Variants in CRTAC1 observed in about 807,000 individuals in gnomAD.
The protein encoded by CRTAC1 is acidic secreted protein in cartilage.
Under a neutral mutation model 67.8 loss-of-function variants are expected in CRTAC1, and 37 were observed. The observed-to-expected ratio is 0.55, with a 90% CI of 0.42 to 0.72. The LOEUF (loss-of-function observed/expected upper bound fraction) is 0.72, where lower values mean the gene tolerates loss of function less well. Ranked by LOEUF, CRTAC1 falls within the 30% of genes least tolerant of loss-of-function variation. The pLI is 0.00. For missense variants in CRTAC1, 780 were observed against 931.6 expected (o/e 0.84, Z 2.12); for synonymous variants, 348 against 371.0 (o/e 0.94, Z 0.71).
chr10:97,882,798 C>T lies in CRTAC1; in HGVS notation c.1663G>A (p.Gly555Ser), dbSNP rs2050233294. The T allele has an allele frequency of 6.2e-7, 1 of 1,614,112 alleles. No homozygotes were observed. The highest frequency in any genetic ancestry group is 1.7e-5 in the Admixed American group (1 of 60,008). ...GAAGGCAACTCACCCATGCAATGGCCATTTTCCTGCTGGGAGAATCCTTGG... is the reference window on the plus strand; with the variant it reads ...GAAGGCAACTCACCCATGCAATGGCTATTTTCCTGCTGGGAGAATCCTTGG... ...CGQGFSQQEN[G>S]HCMDTNECIQ... is the part of the protein sequence containing the mutation. Residue 555 changes from glycine to serine, a missense_variant, in exon 13 of 15, where the codon GGC (glycine) becomes AGC (serine). Physicochemically the swap from Gly to Ser is moderately conservative, Grantham distance 56. Transcript: ENST00000370597.
At chr10:97,876,886 C>G (rs957285383) in intron 14 of CRTAC1, among the ~76,000 whole-genome samples, 1 of 145,726 alleles carries the variant, frequency 6.9e-6, no homozygotes, top group Non-Finnish European at 1.5e-5. Context: ...CCAGTAGATG[C>G]ATTGAATTTG....
chr10:97,900,581 C>A (rs1364069732), intron 8 of CRTAC1, among the ~76,000 whole-genome samples: 1 of 130,302 alleles, frequency 7.7e-6, no homozygotes, highest in Non-Finnish European at 1.6e-5. Context: ...CCCGTAGCCC[C>A]TTTTCCTGGT....
intron 1 of CRTAC1, among the ~76,000 whole-genome samples, chr10:98,020,621 G>C (rs891518449): frequency 1.3e-5 from 2 of 152,238 alleles, no homozygotes; most frequent in African/African-American, 2.4e-5. Context: ...ACCTCTGCCT[G>C]GGGAAGCTGG....
At chr10:97,930,112 T>C (rs1035560352) in intron 3 of CRTAC1, among the ~76,000 whole-genome samples, 2 of 152,082 alleles carry the variant, frequency 1.3e-5, no homozygotes, top group Non-Finnish European at 2.9e-5. Context: ...GAAGGCAGAG[T>C]CTTCATTTCA....
At chr10:97,997,026 A>G (rs1483385327) in intron 2 of CRTAC1, among the ~76,000 whole-genome samples, 1 of 139,984 alleles carries the variant, frequency 7.1e-6, no homozygotes, top group Admixed American at 7.4e-5. Flanking sequence ...ATAAGTGGGA[A>G]TTGAACAATG....
At chr10:97,989,318 C>T (rs1198026377) in intron 2 of CRTAC1, among the ~76,000 whole-genome samples, 7 of 152,124 alleles carry the variant, frequency 4.6e-5, no homozygotes, top group South Asian at 2.1e-4. Context: ...AACTGAGATA[C>T]GTTCTGAGAG....
At chr10:97,952,320 C>G (rs1292528472) in intron 2 of CRTAC1, among the ~76,000 whole-genome samples, 1 of 151,296 alleles carries the variant, frequency 6.6e-6, no homozygotes, top group Non-Finnish European at 1.5e-5. Flanking sequence ...CCACTGCACT[C>G]CAGCCTGGGC....
At chr10:97,972,754 A>G (rs2051735639) in intron 2 of CRTAC1, among the ~76,000 whole-genome samples, 1 of 152,238 alleles carries the variant, frequency 6.6e-6, no homozygotes, top group Admixed American at 6.5e-5. Flanking sequence ...GTTTTTGTAA[A>G]TGCTTTTATA....
Position 98,030,454 on chromosome 10 carries a change from G to C in CRTAC1, c.19C>G (p.Pro7Ala), listed in dbSNP as rs1030779261. The change falls in exon 1 of 15, where the codon CCC becomes GCC. Residue 7 changes from proline to alanine, a missense_variant. By Grantham distance (27) the Pro-to-Ala change is conservative. Coordinates refer to ENST00000370597, the MANE Select transcript of CRTAC1 (RefSeq NM_018058.7). The surrounding 1 kb of genome is among the most constrained non-coding windows in gnomAD (Gnocchi z 4.2). Reference sequence around the variant, plus strand: ...GCACCGGTGCAGATACTCACGCCGGGGTCAGCGCTCGGAGCCATCCTCCCG... The same window carrying C: ...GCACCGGTGCAGATACTCACGCCGGCGTCAGCGCTCGGAGCCATCCTCCCG... MAPSADPGMSRMLPFLL... is the reference protein window; with the variant it reads MAPSADAGMSRMLPFLL... The C allele has an allele frequency of 8.0e-7, 1 of 1,250,550 alleles. No homozygotes were observed. Among genetic ancestry groups the C allele is most frequent in the Non-Finnish European group, 1.0e-6 (1 of 989,570 alleles). The allele number at this position is 1,250,550 out of a possible 1,614,324, so 77.5% of individuals were successfully genotyped here.
chr10:98,011,448 C>T, intron 1 of CRTAC1, 111 bp from the exon 2 acceptor site: 1 of 1,236,656 alleles, frequency 8.1e-7, no homozygotes, highest in Non-Finnish European at 1.1e-6. Context: ...TCATGGAGAG[C>T]TTGACAGTGC....
chr10:97,905,705 G>A (rs973761029), intron 6 of CRTAC1, among the ~76,000 whole-genome samples: 3 of 152,202 alleles, frequency 2.0e-5, no homozygotes, highest in Admixed American at 2.0e-4. Context: ...CTGAATGAGT[G>A]CACAGACATA....
chr10:97,964,634 G>A (rs192149455), intron 2 of CRTAC1, among the ~76,000 whole-genome samples: 1 of 152,188 alleles, frequency 6.6e-6, no homozygotes, highest in African/African-American at 2.4e-5. Context: ...CTTTGGGAAG[G>A]CTTGCCGACC....
At chr10:97,934,476 C>CCCTGCT (rs900800010) in intron 3 of CRTAC1, among the ~76,000 whole-genome samples, 1 of 149,866 alleles carries the variant, frequency 6.7e-6, no homozygotes, top group African/African-American at 2.4e-5. Context: ...CACTGCCTGC[C>CCCTGCT]CCTGCCCCTG....
At chr10:97,925,443 CAG>C (rs2050898718) in intron 3 of CRTAC1, among the ~76,000 whole-genome samples, 1 of 150,864 alleles carries the variant, frequency 6.6e-6, no homozygotes, top group African/African-American at 2.4e-5. Context: ...AAGAGTGTGT[CAG>C]AGAATGAGAG....
chr10:97,926,212 G>GTT (rs1471635968), intron 3 of CRTAC1, among the ~76,000 whole-genome samples: 44 of 152,312 alleles, frequency 2.9e-4, no homozygotes, highest in African/African-American at 8.2e-4. Context: ...TGGCCTGGAT[G>GTT]CACAGGGGGG....
chr10:97,871,706 C>A (rs1369274006), intron 14 of CRTAC1: 1 of 152,102 alleles, frequency 6.6e-6, no homozygotes, highest in African/African-American at 2.4e-5. Context: ...AAGACTTGAA[C>A]CTAAGTCTCT....
intron 2 of CRTAC1, among the ~76,000 whole-genome samples, chr10:97,942,772 GA>G (rs762116125): frequency 1.3e-3 from 182 of 136,066 alleles, no homozygotes; most frequent in Admixed American, 2.2e-3. Flanking sequence ...ATTAAAAAGT[GA>G]AAAAAAAAAA....
At chr10:97,947,246 C>T (rs138414334) in intron 2 of CRTAC1, among the ~76,000 whole-genome samples, 3 of 152,166 alleles carry the variant, frequency 2.0e-5, no homozygotes, top group Admixed American at 6.5e-5. Context: ...CTGTGATGGA[C>T]GCACATGGCA....
intron 11 of CRTAC1, among the ~76,000 whole-genome samples, chr10:97,888,728 CACACCA>C (rs1205844248): frequency 6.6e-6 from 1 of 152,070 alleles, no homozygotes; most frequent in Non-Finnish European, 1.5e-5. Flanking sequence ...CCAGACACCG[CACACCA>C]GCAGCCTCGA....
Sources: allele counts gnomAD v4.1 joint callset (sites outside exome capture counted in the v4.1 genomes callset), GRCh38; gene constraint gnomAD v4.1.1; non-coding constraint Gnocchi (gnomAD v3.1); transcripts MANE v1.5; gene names NCBI Gene and HGNC (gene_info 2026-07-23, HGNC 2026-07-21).